Variants in MYO1E observed in about 807,000 individuals in gnomAD.
The protein encoded by MYO1E is unconventional myosin-Ie.
Under a neutral mutation model 151.1 loss-of-function variants are expected in MYO1E, and 68 were observed. That is an observed-to-expected ratio of 0.45 (90% CI 0.37 to 0.55). The LOEUF is 0.55. Among genes scored for constraint, MYO1E ranks in the 20% least tolerant of loss-of-function variants. The pLI is 0.00. For synonymous variants in MYO1E, 601 were observed against 501.7 expected (o/e 1.20, Z -2.64); for missense variants, 1,363 against 1,389.3 (o/e 0.98, Z 0.30).
intron 5 of MYO1E, among the ~76,000 whole-genome samples, chr15:59,234,876 T>C (rs2080053110): frequency 6.6e-6 from 1 of 151,856 alleles, no homozygotes; most frequent in Admixed American, 6.6e-5. Flanking sequence ...TATGTGTCTT[T>C]TGAAAGTCTA....
Position 59,195,478 on chromosome 15 carries a change from T to C in MYO1E, c.1788A>G (p.Arg596=). ...CIKPNETKKP[R]DWEESRVKHQ... ...CCCGATACCTGCTTTCCTCCCAGTC[T>C]CTGGGCTTCTTGGTTTCGTTTGGCT... The change falls in exon 17 of 28, where the codon AGA becomes AGG. Residue 596 remains arginine, a synonymous_variant. Transcript: ENST00000288235. The C allele has an allele frequency of 6.2e-7, 1 of 1,613,874 alleles. No homozygotes were observed. Among genetic ancestry groups the C allele is most frequent in the Non-Finnish European group, 8.5e-7 (1 of 1,179,740 alleles).
intron 5 of MYO1E, among the ~76,000 whole-genome samples, chr15:59,234,822 CAAAAAA>C (rs3053017): frequency 9.8e-6 from 1 of 102,218 alleles, no homozygotes; most frequent in African/African-American, 4.1e-5. Flanking sequence ...GACCCCATCT[CAAAAAA>C]AAAAAAAAAA....
At chr15:59,239,593 T>C (rs1400548363) in intron 4 of MYO1E, among the ~76,000 whole-genome samples, 1 of 152,190 alleles carries the variant, frequency 6.6e-6, no homozygotes, top group Non-Finnish European at 1.5e-5. Flanking sequence ...AAATATTTTG[T>C]CTCTTTTGTT....
At chr15:59,251,363 C>G (rs920380768) in intron 4 of MYO1E, among the ~76,000 whole-genome samples, 1 of 152,036 alleles carries the variant, frequency 6.6e-6, no homozygotes, top group Non-Finnish European at 1.5e-5. Context: ...TAGTTTTGGT[C>G]TCTTCAAAAA....
intron 1 of MYO1E, among the ~76,000 whole-genome samples, chr15:59,337,748 C>T (rs894170452): frequency 6.6e-6 from 1 of 152,144 alleles, no homozygotes; most frequent in Non-Finnish European, 1.5e-5. Flanking sequence ...AGGAGAATCG[C>T]TTGAACCCAG....
chr15:59,370,598 CAGAT>C (rs760853690), intron 1 of MYO1E, among the ~76,000 whole-genome samples: 1 of 152,220 alleles, frequency 6.6e-6, no homozygotes, highest in Non-Finnish European at 1.5e-5. Context: ...ACACTGTCCT[CAGAT>C]AGAACCACCT....
chr15:59,299,377 C>G (rs893447480), intron 1 of MYO1E, among the ~76,000 whole-genome samples: 2 of 152,116 alleles, frequency 1.3e-5, no homozygotes, highest in Non-Finnish European at 2.9e-5. Flanking sequence ...TTTAAATAGC[C>G]GCCGCACTCT....
intron 1 of MYO1E, among the ~76,000 whole-genome samples, chr15:59,337,120 T>C (rs917357839): frequency 6.6e-6 from 1 of 152,220 alleles, no homozygotes; most frequent in Admixed American, 6.5e-5. Flanking sequence ...ACTTCTACTT[T>C]ATTTCATTTG....
chr15:59,218,229 T>C (rs1207897866), intron 9 of MYO1E, 142 bp from the exon 10 acceptor site: 4 of 931,168 alleles, frequency 4.3e-6, no homozygotes, highest in Non-Finnish European at 6.8e-6. Flanking sequence ...GAGCTTACGT[T>C]CTAGTGAAGG....
intron 13 of MYO1E, among the ~76,000 whole-genome samples, chr15:59,210,002 T>C (rs1474795141): frequency 6.6e-6 from 1 of 151,378 alleles, no homozygotes; most frequent in Non-Finnish European, 1.5e-5. Context: ...GCCTGGCTAA[T>C]TTTTGTATTT....
chr15:59,371,749 G>A lies in MYO1E; in HGVS notation c.3+749C>T, dbSNP rs539616925. Among the ~76,000 whole-genome samples the A allele has an allele frequency of 3.9e-5, 6 of 152,194 alleles. No individual in the cohort carries two copies. The East Asian group carries it at 1.2e-3, about 30-fold the overall frequency. ...ATCCCCTCGCGCTTGGGAAGGGGTG[G>A]GGTCCTCTTCAGGAGGTGTTTACTT... On this transcript the variant is annotated intron_variant, in intron 1 of 27. Coordinates refer to ENST00000288235, the MANE Select transcript of MYO1E (RefSeq NM_004998.4).
At chr15:59,230,026 G>A (rs765706008) in intron 6 of MYO1E, among the ~76,000 whole-genome samples, 14 of 152,056 alleles carry the variant, frequency 9.2e-5, no homozygotes, top group Non-Finnish European at 1.8e-4. Context: ...GATAATGAAC[G>A]ATTAAAATTT....
intron 1 of MYO1E, among the ~76,000 whole-genome samples, chr15:59,300,019 G>C (rs1222898393): frequency 6.6e-6 from 1 of 152,102 alleles, no homozygotes; most frequent in Non-Finnish European, 1.5e-5. Context: ...AATCTTTAAT[G>C]TAATGTAAGA....
chr15:59,312,351 C>T (rs780582517), intron 1 of MYO1E, among the ~76,000 whole-genome samples: 34 of 152,094 alleles, frequency 2.2e-4, no homozygotes, highest in Admixed American at 8.5e-4. Context: ...GGAAAGGTTC[C>T]GTGGAGGAAC....
At chr15:59,366,528 TA>T (rs1224840825) in intron 1 of MYO1E, among the ~76,000 whole-genome samples, 2 of 152,274 alleles carry the variant, frequency 1.3e-5, no homozygotes, top group East Asian at 3.9e-4. Context: ...ACATAGCTCA[TA>T]AATGACCATT....
intron 1 of MYO1E, among the ~76,000 whole-genome samples, chr15:59,295,713 T>C (rs1447816705): frequency 6.6e-6 from 1 of 152,134 alleles, no homozygotes; most frequent in Non-Finnish European, 1.5e-5. Context: ...AGAGCAGGTA[T>C]AATTATCTCG....
intron 1 of MYO1E, among the ~76,000 whole-genome samples, chr15:59,277,563 A>ACAACAACAACAACAAC (rs1182145254): frequency 1.5e-5 from 2 of 130,034 alleles, no homozygotes; most frequent in Admixed American, 7.2e-5. Flanking sequence ...AAAAAAAAAA[A>ACAACAACAACAACAAC]AAAAAAAAAA....
intron 1 of MYO1E, among the ~76,000 whole-genome samples, chr15:59,281,203 G>A (rs551313724): frequency 2.0e-5 from 3 of 152,050 alleles, no homozygotes. Flanking sequence ...CCCTCCATGC[G>A]ATATGTCTGC....
chr15:59,351,672 T>C (rs1396425746), intron 1 of MYO1E, among the ~76,000 whole-genome samples: 2 of 152,068 alleles, frequency 1.3e-5, no homozygotes, highest in Non-Finnish European at 2.9e-5. Flanking sequence ...TGTAAGACAA[T>C]GCACATCCAA....
Sources: gnomAD v4.1 joint callset for allele counts (sites outside exome capture counted in the v4.1 genomes callset) on GRCh38, gnomAD v4.1.1 for gene constraint, MANE v1.5 for transcripts, NCBI Gene and HGNC (gene_info 2026-07-23, HGNC 2026-07-21) for gene names.